FRMD6: variants seen among roughly 807,000 people sequenced by gnomAD.
FRMD6 encodes the protein FERM domain containing 6.
In FRMD6, 37 loss-of-function variants were observed where a neutral mutation model predicts 73.2. The observed-to-expected ratio is 0.51, with a 90% CI of 0.39 to 0.66. The LOEUF (loss-of-function observed/expected upper bound fraction) is 0.66, where lower values mean the gene tolerates loss of function less well. Ranked by LOEUF, FRMD6 falls within the 30% of genes least tolerant of loss-of-function variation. The probability of loss-of-function intolerance (pLI) is 0.00; values close to 1 mark genes in which losing one functional copy is unlikely to be tolerated. For synonymous variants in FRMD6, 273 were observed against 282.2 expected (o/e 0.97, Z 0.33); for missense variants, 714 against 780.5 (o/e 0.91, Z 1.02).
At chr14:51,650,894 A>G (rs1263707999), upstream of FRMD6, 1 of 152,280 alleles carries the variant, frequency 6.6e-6, no homozygotes, top group African/African-American at 2.4e-5. Context: ...AAACCTAGAA[A>G]GGCAGAAGCC....
At position 51,725,797 on chromosome 14, in the gene FRMD6, T is replaced by C; in HGVS notation, c.1511T>C (p.Ile504Thr). The C allele has an allele frequency of 6.2e-7, 1 of 1,613,464 alleles. No homozygotes were observed. The highest frequency in any genetic ancestry group is 8.5e-7 in the Non-Finnish European group (1 of 1,179,434). ...NGHSGLIVKE[I>T]GSSTSSSSET... ...ATTTCAGGGTTGATTGTGAAAGAAA[T>C]TGGGTCTTCCACCTCGAGCTCTTCA... Residue 504 changes from isoleucine (I) to threonine (T), a missense_variant, in exon 13 of 14, where the codon ATT becomes ACT. Ile to Thr is a moderately conservative substitution (Grantham distance 89). Transcript: ENST00000344768.
intron 2 of FRMD6, among the ~76,000 whole-genome samples, chr14:51,697,644 CAA>C (rs1896035376): frequency 6.6e-6 from 1 of 151,900 alleles, no homozygotes; most frequent in Non-Finnish European, 1.5e-5. Context: ...GTTCTCACCA[CAA>C]AAAGATACAT....
At chr14:51,437,853 A>T in the FRMD6 span, among the ~76,000 whole-genome samples, 1 of 152,124 alleles carries the variant, frequency 6.6e-6, no homozygotes, top group Non-Finnish European at 1.5e-5. Flanking sequence ...AATCAACACC[A>T]CTGAACTCTG....
chr14:51,596,248 G>GGGGTGT (rs1555325733), intron 2 of FRMD6, among the ~76,000 whole-genome samples: 3 of 147,602 alleles, frequency 2.0e-5, no homozygotes, highest in Non-Finnish European at 4.5e-5. Flanking sequence ...AGGAGAGCCT[G>GGGGTGT]GTGTGTGTGT....
chr14:51,722,690 TAAA>T, intron 12 of FRMD6, among the ~76,000 whole-genome samples: 1 of 152,352 alleles, frequency 6.6e-6, no homozygotes, highest in East Asian at 1.9e-4. Flanking sequence ...ATACTATCTT[TAAA>T]AAACGGCAGC....
At chr14:51,512,560 A>G (rs1377509538) in intron 1 of FRMD6, among the ~76,000 whole-genome samples, 1 of 152,130 alleles carries the variant, frequency 6.6e-6, no homozygotes. Context: ...CCTTAAAGCT[A>G]GCCCATGCAA....
chr14:51,472,470 A>G, the FRMD6 span, among the ~76,000 whole-genome samples: 1 of 152,008 alleles, frequency 6.6e-6, no homozygotes, highest in South Asian at 2.1e-4. Flanking sequence ...CGCCTGGCTA[A>G]TTTTTTGTAT....
At chr14:51,555,005 G>T (rs1447934721) in intron 1 of FRMD6, among the ~76,000 whole-genome samples, 3 of 152,194 alleles carry the variant, frequency 2.0e-5, no homozygotes, top group Non-Finnish European at 4.4e-5. Context: ...CATAAAGTTG[G>T]TTTTTAAAAG....
At chr14:51,441,695 T>G in the FRMD6 span, among the ~76,000 whole-genome samples, 1 of 152,202 alleles carries the variant, frequency 6.6e-6, no homozygotes, top group East Asian at 1.9e-4. Flanking sequence ...GTGTAGAGTT[T>G]TAACATTAGC....
the FRMD6 span, among the ~76,000 whole-genome samples, chr14:51,415,481 C>A: frequency 6.6e-6 from 1 of 152,108 alleles, no homozygotes; most frequent in Non-Finnish European, 1.5e-5. Flanking sequence ...GTTGAACCAG[C>A]CTTGCATCCC....
At chr14:51,638,124 A>C (rs1018558192) in intron 2 of FRMD6, among the ~76,000 whole-genome samples, 2 of 152,156 alleles carry the variant, frequency 1.3e-5, no homozygotes, top group Non-Finnish European at 2.9e-5. Flanking sequence ...TGTCTACAAA[A>C]ATTTACAAAA....
At chr14:51,692,267 G>A (rs1327022073) in intron 2 of FRMD6, among the ~76,000 whole-genome samples, 2 of 152,102 alleles carry the variant, frequency 1.3e-5, no homozygotes, top group East Asian at 1.9e-4. Flanking sequence ...AATAAAAATC[G>A]ACAATGTGTC....
intron 5 of FRMD6, among the ~76,000 whole-genome samples, chr14:51,703,385 G>T (rs1345047091): frequency 3.9e-5 from 6 of 151,992 alleles, no homozygotes. Flanking sequence ...AAATACATAT[G>T]GCTAGTGAGT....
At chr14:51,489,893 C>A (rs893900614) in intron 1 of FRMD6, among the ~76,000 whole-genome samples, 2 of 152,140 alleles carry the variant, frequency 1.3e-5, no homozygotes, top group African/African-American at 4.8e-5. Flanking sequence ...TTGTAAGACA[C>A]CATCATAAGT....
chr14:51,463,803 A>G, the FRMD6 span, among the ~76,000 whole-genome samples: 1 of 152,054 alleles, frequency 6.6e-6, no homozygotes, highest in African/African-American at 2.4e-5. Context: ...TGTTTTCCTG[A>G]GTTTTTCTTT....
the FRMD6 span, among the ~76,000 whole-genome samples, chr14:51,402,645 T>C: frequency 2.3e-4 from 34 of 149,878 alleles, no homozygotes; most frequent in Non-Finnish European, 4.0e-4. Context: ...TCTTTTCTTT[T>C]TTTTTTTTTT....
At chr14:51,635,508 A>G (rs1891518595) in intron 2 of FRMD6, among the ~76,000 whole-genome samples, 1 of 152,222 alleles carries the variant, frequency 6.6e-6, no homozygotes, top group African/African-American at 2.4e-5. Flanking sequence ...TATCAGTAAA[A>G]GCCCTTGGTT....
chr14:51,658,136 G>A (rs1237886119), intron 1 of FRMD6, among the ~76,000 whole-genome samples: 1 of 152,180 alleles, frequency 6.6e-6, no homozygotes. Context: ...GTCCATTGGG[G>A]GGCTCACTGC....
At chr14:51,458,295 C>A in the FRMD6 span, among the ~76,000 whole-genome samples, 1 of 152,160 alleles carries the variant, frequency 6.6e-6, no homozygotes, top group Non-Finnish European at 1.5e-5. Flanking sequence ...TCTTATCAGT[C>A]CAAGGAAATG....
Sources: gnomAD v4.1 joint callset for allele counts (sites outside exome capture counted in the v4.1 genomes callset) on GRCh38, gnomAD v4.1.1 for gene constraint, MANE v1.5 for transcripts, NCBI Gene and HGNC (gene_info 2026-07-23, HGNC 2026-07-21) for gene names.